The following TNNI3K variants were observed in gnomAD, a reference collection of about 807,000 sequenced individuals.
TNNI3K encodes TNNI3 interacting kinase, also known as serine/threonine-protein kinase TNNI3K.
TNNI3K carries 140 observed loss-of-function variants against 114.5 expected under a neutral mutation model. The ratio of observed to expected loss-of-function variants is 1.22; its 90% CI spans 1.07 to 1.41. The LOEUF (loss-of-function observed/expected upper bound fraction) is 1.41, where lower values mean the gene tolerates loss of function less well. TNNI3K is among the 40% of genes most tolerant of loss of function. The pLI, the probability that TNNI3K is intolerant of heterozygous loss-of-function variation, is 0.00. For missense variants in TNNI3K, 1,125 were observed against 1,007.6 expected (o/e 1.12, Z -1.58); for synonymous variants, 347 against 347.5 (o/e 1.00, Z 0.02).
intron 4 of TNNI3K, among the ~76,000 whole-genome samples, chr1:74,258,496 A>G (rs1197721883): frequency 1.3e-5 from 2 of 152,210 alleles, no homozygotes; most frequent in African/African-American, 4.8e-5. Context: ...AGTGCTTGAG[A>G]ACAGTTATGT....
At chr1:74,256,283 C>CTTTTTTTTTTTT (rs61636791) in intron 4 of TNNI3K, among the ~76,000 whole-genome samples, 77 of 42,794 alleles carry the variant, frequency 1.8e-3, no homozygotes, top group African/African-American at 2.3e-3. Context: ...TGTGGTCAGT[C>CTTTTTTTTTTTT]TTTTTTTTTT....
intron 20 of TNNI3K, among the ~76,000 whole-genome samples, chr1:74,458,357 A>G (rs1667314276): frequency 6.6e-6 from 1 of 152,178 alleles, no homozygotes; most frequent in Non-Finnish European, 1.5e-5. Context: ...TTTAATTAGT[A>G]TCTCCCAGAG....
intron 23 of TNNI3K, among the ~76,000 whole-genome samples, chr1:74,496,459 A>G (rs1669330754): frequency 6.6e-6 from 1 of 152,160 alleles, no homozygotes; most frequent in Non-Finnish European, 1.5e-5. Context: ...TATAGTCCCT[A>G]CTAATGTATG....
chr1:74,440,068 G>T (rs998867517), intron 20 of TNNI3K, among the ~76,000 whole-genome samples: 6 of 151,612 alleles, frequency 4.0e-5, no homozygotes, highest in Non-Finnish European at 7.4e-5. Context: ...AAAGAAGATG[G>T]GTTTTCCTAA....
intron 5 of TNNI3K, among the ~76,000 whole-genome samples, chr1:74,326,760 A>G (rs1280255589): frequency 6.6e-6 from 1 of 152,196 alleles, no homozygotes; most frequent in East Asian, 1.9e-4. Flanking sequence ...GAGCTTGGTC[A>G]TGAGACTGGG....
intron 23 of TNNI3K, among the ~76,000 whole-genome samples, chr1:74,537,706 C>G (rs1392358869): frequency 6.6e-6 from 1 of 152,164 alleles, no homozygotes; most frequent in Non-Finnish European, 1.5e-5. Context: ...CATACAAATA[C>G]AGATAATTCT....
chr1:74,399,667 A>G (rs957113633), intron 17 of TNNI3K, among the ~76,000 whole-genome samples: 6 of 152,200 alleles, frequency 3.9e-5, no homozygotes, highest in Non-Finnish European at 7.3e-5. Flanking sequence ...GGAAGTGTAT[A>G]GATCACCTAA....
intron 2 of TNNI3K, among the ~76,000 whole-genome samples, chr1:74,249,070 A>G (rs1024564075): frequency 2.0e-5 from 3 of 151,990 alleles, no homozygotes; most frequent in Admixed American, 6.6e-5. Context: ...TTACATAATA[A>G]TCAATTTTAT....
chr1:74,342,454 G>C (rs1420618370), intron 7 of TNNI3K, among the ~76,000 whole-genome samples: 1 of 152,088 alleles, frequency 6.6e-6, no homozygotes, highest in Non-Finnish European at 1.5e-5. Flanking sequence ...TCTGGGAATG[G>C]TGCTGTGGCC....
At position 74,286,460 on chromosome 1, in the gene TNNI3K, A is replaced by T. The variant is rs115218692; in HGVS notation, c.444+14752A>T. On this transcript the variant is annotated intron_variant, in intron 5 of 24. Coordinates refer to ENST00000326637, the MANE Select transcript of TNNI3K (RefSeq NM_015978.3). ...ATAAGTCAGGCTGCAGGCCAGCCCT[A>T]GTAGTCCCAGGCTACTAGGGACTAG... Among the ~76,000 whole-genome samples, 512 of 152,162 alleles carry T rather than the reference A, an allele frequency of 3.4e-3. 1 individual carries two copies. Among genetic ancestry groups the T allele is most frequent in the Non-Finnish European group, 3.9e-3 (268 of 67,946 alleles).
Position 74,370,338 on chromosome 1 carries a change from G to C in TNNI3K, c.1718G>C (p.Gly573Ala). 6.2e-7 allele frequency: 1 copy of C among 1,607,110 alleles called. No individual in the cohort carries two copies. The highest frequency in any genetic ancestry group is 8.5e-7 in the Non-Finnish European group (1 of 1,175,916). Residue 573 changes from glycine (G) to alanine (A), a missense_variant, in exon 17 of 25, where the codon GGC becomes GCC. Physicochemically the swap from Gly to Ala is moderately conservative, Grantham distance 60. Transcript: ENST00000326637. ...ATTATTGCAGTAGATGTTGCCAAAG[G>C]CATGGAGTACCTTCACAACCTGACA... ...KLIIAVDVAK[G>A]MEYLHNLTQP...
intron 23 of TNNI3K, among the ~76,000 whole-genome samples, chr1:74,538,509 A>C (rs1328845966): frequency 6.6e-6 from 1 of 152,156 alleles, no homozygotes; most frequent in Non-Finnish European, 1.5e-5. Flanking sequence ...ATTGTGTGGA[A>C]AGAATATGGA....
intron 4 of TNNI3K, among the ~76,000 whole-genome samples, chr1:74,256,090 T>G (rs1655273699): frequency 1.3e-5 from 2 of 152,142 alleles, no homozygotes; most frequent in Non-Finnish European, 2.9e-5. Flanking sequence ...GGTATTTGTT[T>G]GAACATATGT....
At chr1:74,532,055 A>G (rs537289396) in intron 23 of TNNI3K, among the ~76,000 whole-genome samples, 1 of 152,334 alleles carries the variant, frequency 6.6e-6, no homozygotes, top group African/African-American at 2.4e-5. Flanking sequence ...TCACACTGAT[A>G]ACCTAATGGT....
At chr1:74,312,027 A>G (rs1659022719) in intron 5 of TNNI3K, among the ~76,000 whole-genome samples, 1 of 152,182 alleles carries the variant, frequency 6.6e-6, no homozygotes, top group Admixed American at 6.5e-5. Flanking sequence ...AGATTCTATG[A>G]GTTCTCTGCT....
intron 17 of TNNI3K, among the ~76,000 whole-genome samples, chr1:74,399,693 A>G (rs1475692209): frequency 6.6e-6 from 1 of 152,184 alleles, no homozygotes; most frequent in Admixed American, 6.5e-5. Flanking sequence ...CCTTAAAGCT[A>G]ACCCTAAGGA....
At chr1:74,273,062 C>T (rs778292667) in intron 5 of TNNI3K, among the ~76,000 whole-genome samples, 10 of 151,862 alleles carry the variant, frequency 6.6e-5, no homozygotes, top group Non-Finnish European at 1.3e-4. Flanking sequence ...CACACATATA[C>T]GCACACAAAC....
chr1:74,507,370 T>A (rs1570717188), intron 23 of TNNI3K, among the ~76,000 whole-genome samples: 1 of 152,116 alleles, frequency 6.6e-6, no homozygotes, highest in Admixed American at 6.5e-5. Context: ...TCTGTACAGA[T>A]CCCATCAGAG....
chr1:74,432,472 C>G (rs1665944367), intron 17 of TNNI3K, among the ~76,000 whole-genome samples: 1 of 152,098 alleles, frequency 6.6e-6, no homozygotes, highest in Non-Finnish European at 1.5e-5. Flanking sequence ...TGATGATTGT[C>G]TCCCTGGTGT....
Sources: gnomAD v4.1 joint callset for allele counts (sites outside exome capture counted in the v4.1 genomes callset) on GRCh38, gnomAD v4.1.1 for gene constraint, MANE v1.5 for transcripts, NCBI Gene and HGNC (gene_info 2026-07-23, HGNC 2026-07-21) for gene names.